The following KHDRBS3 variants were observed in gnomAD, a reference collection of about 807,000 sequenced individuals.
The protein encoded by KHDRBS3 is KH domain-containing, RNA-binding, signal transduction-associated protein 3.
Under a neutral mutation model 45.6 loss-of-function variants are expected in KHDRBS3, and 23 were observed. That is an observed-to-expected ratio of 0.50 (90% CI 0.36 to 0.72). The LOEUF (loss-of-function observed/expected upper bound fraction) is 0.72, where lower values mean the gene tolerates loss of function less well. KHDRBS3 is among the 30% of genes least tolerant of loss of function. The pLI is 0.00. For missense variants in KHDRBS3, 352 were observed against 424.8 expected, an observed-to-expected ratio of 0.83 and a Z score of 1.51; for synonymous variants, 162 against 156.5, an observed-to-expected ratio of 1.04 and a Z score of -0.26.
rs142480075 is a variant in KHDRBS3, at chr8:135,571,871, G to A, written c.612-10007G>A. 2.0e-5 allele frequency among the ~76,000 whole-genome samples: 3 copies of A among 152,238 alleles called. No homozygotes were observed. In the East Asian group the frequency reaches 5.8e-4, roughly 29 times the overall value. On this transcript the variant is annotated intron_variant, in intron 5 of 8. Coordinates refer to ENST00000355849, the MANE Select transcript of KHDRBS3 (RefSeq NM_006558.3). The stretch of plus-strand genomic sequence containing the variant: ...ATAGTTCTTTCTTCAATAAAATGGA[G>A]ATAGAAAGATAAGCACACACTTCCA...
chr8:135,579,389 TCTAGGTG>T (rs1364088126), intron 5 of KHDRBS3, among the ~76,000 whole-genome samples: 1 of 152,058 alleles, frequency 6.6e-6, no homozygotes. Flanking sequence ...CTGGAGTGCA[TCTAGGTG>T]GCACCATCTA....
chr8:135,496,652 C>A (rs1823464913), intron 1 of KHDRBS3, among the ~76,000 whole-genome samples: 1 of 152,112 alleles, frequency 6.6e-6, no homozygotes, highest in South Asian at 2.1e-4. Context: ...AGTTTCTTAA[C>A]TTAAATTTCC....
At chr8:135,509,930 T>C (rs1343965212) in intron 1 of KHDRBS3, among the ~76,000 whole-genome samples, 1 of 152,016 alleles carries the variant, frequency 6.6e-6, no homozygotes, top group East Asian at 1.9e-4. Context: ...ATAAGAGCTA[T>C]TGAGAGATAA....
At chr8:135,577,142 C>G (rs866610640) in intron 5 of KHDRBS3, among the ~76,000 whole-genome samples, 5 of 151,888 alleles carry the variant, frequency 3.3e-5, no homozygotes, top group Non-Finnish European at 4.4e-5. Context: ...AGACTTCTCT[C>G]ATTTCTAAGT....
intron 2 of KHDRBS3, among the ~76,000 whole-genome samples, chr8:135,532,637 A>G (rs1255782587): frequency 6.6e-6 from 1 of 152,196 alleles, no homozygotes. Flanking sequence ...TCTTTATAAC[A>G]TAAGATAGAC....
chr8:135,485,842 T>TTATATATA lies in KHDRBS3; in HGVS notation c.88+27908_88+27915dup, dbSNP rs34886021. 3.6e-3 allele frequency among the ~76,000 whole-genome samples: 432 copies of TTATATATA among 120,310 alleles called. 11 individuals are homozygous for TTATATATA. Among genetic ancestry groups the TTATATATA allele is most frequent in the African/African-American group, 7.4e-3 (199 of 26,920 alleles). 78.9% of individuals were successfully genotyped at this position (120,310 alleles called of 152,430 possible). ...TGCAGGATTGATTGGCATTTCAAGT[T>TTATATATA]TATATATATATATATATATATATAT... On this transcript the variant is annotated intron_variant, in intron 1 of 8. Transcript: ENST00000355849.
In KHDRBS3 at chr8:135,542,771, G is replaced by T; in HGVS notation, c.324+1G>T. ...AGGTTCCATGAGAGACAAGGCCAAG[G>T]TAATATTAATTATAGAAAACGGCTA... On this transcript the variant is annotated splice_donor_variant, in intron 3 of 8. Transcript: ENST00000355849. LOFTEE classifies it high-confidence loss of function. 1 of 1,581,454 alleles carries T rather than the reference G, an allele frequency of 6.3e-7. No homozygotes were observed. The highest frequency in any genetic ancestry group is 8.7e-7 in the Non-Finnish European group (1 of 1,151,700).
At chr8:135,473,883 C>T (rs140670766) in intron 1 of KHDRBS3, among the ~76,000 whole-genome samples, 4 of 152,286 alleles carry the variant, frequency 2.6e-5, no homozygotes, top group African/African-American at 4.8e-5. Flanking sequence ...GCACTGAGGC[C>T]GGGTCTGATC....
At chr8:135,612,724 C>T (rs375164364) in intron 7 of KHDRBS3, among the ~76,000 whole-genome samples, 31 of 151,794 alleles carry the variant, frequency 2.0e-4, no homozygotes, top group Admixed American at 1.2e-3. Flanking sequence ...TGTTCTTTGA[C>T]GTTTTATGCA....
At chr8:135,513,017 G>GTCTCTACTA (rs1242817651) in intron 1 of KHDRBS3, among the ~76,000 whole-genome samples, 1 of 151,992 alleles carries the variant, frequency 6.6e-6, no homozygotes. Context: ...TCGAGACCAC[G>GTCTCTACTA]GTGAAACCCC....
intron 7 of KHDRBS3, among the ~76,000 whole-genome samples, chr8:135,611,532 C>CA (rs919724318): frequency 1.7e-4 from 26 of 151,832 alleles, no homozygotes; most frequent in African/African-American, 5.8e-4. Flanking sequence ...TAAAACGCTC[C>CA]AGTCTTCTTA....
At chr8:135,570,811 T>A (rs1414861643) in intron 5 of KHDRBS3, among the ~76,000 whole-genome samples, 1 of 152,212 alleles carries the variant, frequency 6.6e-6, no homozygotes, top group Non-Finnish European at 1.5e-5. Flanking sequence ...CTGTGCTTTT[T>A]CTTGCTGTAA....
At chr8:135,534,538 C>T (rs546855544) in intron 2 of KHDRBS3, among the ~76,000 whole-genome samples, 30 of 152,118 alleles carry the variant, frequency 2.0e-4, no homozygotes, top group South Asian at 6.2e-4. Context: ...CATCTTGCTT[C>T]TCAACTTAGG....
chr8:135,503,376 G>C (rs1181332278), intron 1 of KHDRBS3, among the ~76,000 whole-genome samples: 1 of 152,122 alleles, frequency 6.6e-6, no homozygotes, highest in Non-Finnish European at 1.5e-5. Flanking sequence ...TTGAGCTTAA[G>C]AGAGCTAGCC....
At chr8:135,621,834 GA>G (rs933541430) in intron 7 of KHDRBS3, among the ~76,000 whole-genome samples, 2 of 152,140 alleles carry the variant, frequency 1.3e-5, no homozygotes, top group Admixed American at 6.5e-5. Flanking sequence ...TCTATAGAAA[GA>G]TCCATAGAGA....
intron 1 of KHDRBS3, among the ~76,000 whole-genome samples, chr8:135,477,212 T>C (rs887658129): frequency 2.6e-5 from 4 of 152,148 alleles, no homozygotes; most frequent in Non-Finnish European, 5.9e-5. Flanking sequence ...ATAGATATTG[T>C]TTTGTAGATA....
chr8:135,580,266 T>C (rs551690491), intron 5 of KHDRBS3, among the ~76,000 whole-genome samples: 4 of 152,250 alleles, frequency 2.6e-5, no homozygotes, highest in South Asian at 4.1e-4. Flanking sequence ...GCCCCACAGA[T>C]TGGGTTAGGA....
intron 1 of KHDRBS3, among the ~76,000 whole-genome samples, chr8:135,485,095 A>T (rs1422148308): frequency 6.6e-6 from 1 of 151,830 alleles, no homozygotes; most frequent in East Asian, 1.9e-4. Flanking sequence ...TATCCTTCTT[A>T]CTCAGTTCAG....
intron 7 of KHDRBS3, among the ~76,000 whole-genome samples, chr8:135,623,625 GA>G (rs1830240970): frequency 6.7e-6 from 1 of 149,866 alleles, no homozygotes; most frequent in Non-Finnish European, 1.5e-5. Flanking sequence ...GTTTAAAGTA[GA>G]AAAAACCCTG....
Sources: gnomAD v4.1 joint callset for allele counts (sites outside exome capture counted in the v4.1 genomes callset) on GRCh38, gnomAD v4.1.1 for gene constraint, MANE v1.5 for transcripts, NCBI Gene and HGNC (gene_info 2026-07-23, HGNC 2026-07-21) for gene names.